The following PRKN variants were observed in gnomAD, a reference collection of about 807,000 sequenced individuals.
PRKN encodes parkin RBR E3 ubiquitin protein ligase.
Under a neutral mutation model 59.5 loss-of-function variants are expected in PRKN, and 56 were observed. The observed-to-expected ratio is 0.94, with a 90% CI of 0.76 to 1.18. The LOEUF (loss-of-function observed/expected upper bound fraction) is 1.18. Among genes scored for constraint, PRKN ranks in the 50% most tolerant of loss-of-function variants. The probability of loss-of-function intolerance (pLI) is 0.00; values close to 1 mark genes in which losing one functional copy is unlikely to be tolerated. For missense variants in PRKN, 657 were observed against 596.4 expected (o/e 1.10, Z -1.06); for synonymous variants, 250 against 222.1 (o/e 1.13, Z -1.12).
chr6:161,694,657 C>A (rs1419264451), intron 7 of PRKN, among the ~76,000 whole-genome samples: 1 of 152,172 alleles, frequency 6.6e-6, no homozygotes, highest in Non-Finnish European at 1.5e-5. Context: ...ATCTAACTGT[C>A]CAAATCCCTT....
Position 162,619,100 on chromosome 6 carries a change from C to T in PRKN, c.7+108562G>A, listed in dbSNP as rs141727453. Reference sequence around the variant, plus strand: ...CTCTTTTAGACTCTTGAAATAGTGCCTCAAGCAAAATGAACCTTAAACATA... The same window carrying T: ...CTCTTTTAGACTCTTGAAATAGTGCTTCAAGCAAAATGAACCTTAAACATA... On this transcript the variant is annotated intron_variant, in intron 1 of 11. Transcript: ENST00000366898. 1.6e-3 allele frequency among the ~76,000 whole-genome samples: 240 copies of T among 151,886 alleles called. 6 individuals are homozygous for T. The East Asian group carries it at 0.04, about 25-fold the overall frequency.
At chr6:162,597,817 C>T (rs1035016354) in intron 1 of PRKN, among the ~76,000 whole-genome samples, 2 of 152,124 alleles carry the variant, frequency 1.3e-5, no homozygotes, top group African/African-American at 4.8e-5. Context: ...TTTCAGGTTA[C>T]AAAGGAACTG....
intron 2 of PRKN, among the ~76,000 whole-genome samples, chr6:162,393,370 G>C (rs910061413): frequency 6.6e-6 from 1 of 151,836 alleles, no homozygotes; most frequent in African/African-American, 2.4e-5. Flanking sequence ...ATGCTGGCTA[G>C]GAGTTGGTCT....
In PRKN at chr6:161,423,304, A is replaced by G. The variant is rs1421822075; in HGVS notation, c.1084-36427T>C. 6.6e-6 allele frequency among the ~76,000 whole-genome samples: 1 copy of G among 152,202 alleles called. No homozygotes were observed. Among genetic ancestry groups the G allele is most frequent in the Non-Finnish European group, 1.5e-5 (1 of 68,040 alleles). On this transcript the variant is annotated intron_variant, in intron 9 of 11. Transcript: ENST00000366898. The surrounding 1 kb of genome is among the most constrained non-coding windows in gnomAD (Gnocchi z 5.9). ...TCATGCTCTCTCTGCTTTCTAATGT[A>G]CATAGAGGTGTCTACATGCAAACGG...
intron 1 of PRKN, among the ~76,000 whole-genome samples, chr6:162,718,606 G>A (rs903402257): frequency 4.6e-5 from 7 of 151,934 alleles, no homozygotes; most frequent in Non-Finnish European, 7.4e-5. Context: ...CCAGCTACTC[G>A]GGAGGCTGAG....
rs1287980112 is a variant in PRKN at position 161,461,027 on chromosome 6, G to GA, written c.1084-74151dup. Among the ~76,000 whole-genome samples the GA allele has an allele frequency of 6.6e-6, 1 of 151,984 alleles. No individual in the cohort carries two copies. The highest frequency in any genetic ancestry group is 6.6e-5 in the Admixed American group (1 of 15,248). ...CTGCCTTGGCTTCCCAAAGTACTGG[G>GA]ACTACAGGTGTGAGCCACCATGCCC... On this transcript the variant is annotated intron_variant, in intron 9 of 11. Coordinates refer to ENST00000366898, the MANE Select transcript of PRKN (RefSeq NM_004562.3). This position sits in a 1 kb window ranked among gnomAD's most constrained non-coding sequence, Gnocchi z 5.1.
intron 7 of PRKN, among the ~76,000 whole-genome samples, chr6:161,755,133 C>A (rs552730320): frequency 6.6e-6 from 1 of 152,262 alleles, no homozygotes; most frequent in African/African-American, 2.4e-5. Context: ...CATTGCATAC[C>A]CATAGCGTGT....
intron 7 of PRKN, among the ~76,000 whole-genome samples, chr6:161,737,372 A>G (rs1788007450): frequency 6.6e-6 from 1 of 152,240 alleles, no homozygotes; most frequent in African/African-American, 2.4e-5. Context: ...GGGACAGAAC[A>G]TGAATGAAGA....
At chr6:161,646,985 C>G (rs555239619) in intron 7 of PRKN, among the ~76,000 whole-genome samples, 4 of 152,140 alleles carry the variant, frequency 2.6e-5, no homozygotes, top group Non-Finnish European at 5.9e-5. Context: ...CCTATTGGCT[C>G]TGAACTACAA....
At chr6:162,353,817 G>C (rs1453458151) in intron 2 of PRKN, among the ~76,000 whole-genome samples, 6 of 152,084 alleles carry the variant, frequency 3.9e-5, no homozygotes, top group Non-Finnish European at 8.8e-5. Context: ...CTAATGTGGG[G>C]ATTGACCAAT....
intron 6 of PRKN, among the ~76,000 whole-genome samples, chr6:161,860,469 G>C (rs2186802): frequency 0.5 from 75,119 of 151,724 alleles, 18,768 homozygotes; most frequent in East Asian, 0.74. Context: ...CAATATTTGC[G>C]ATCTCGCACT....
In PRKN at chr6:161,397,084, T is replaced by C. The variant is rs1013306043; in HGVS notation, c.1084-10207A>G. Reference sequence around the variant, plus strand: ...GTGTTTTCTTCCCAAGCCCTGTTTCTTACTCATACCTCTATTAAACTGTTT... The same window carrying C: ...GTGTTTTCTTCCCAAGCCCTGTTTCCTACTCATACCTCTATTAAACTGTTT... On this transcript the variant is annotated intron_variant, in intron 9 of 11. Coordinates refer to ENST00000366898, the MANE Select transcript of PRKN (RefSeq NM_004562.3). The surrounding 1 kb of genome is among the most constrained non-coding windows in gnomAD (Gnocchi z 4.2). 6.6e-6 allele frequency among the ~76,000 whole-genome samples: 1 copy of C among 152,186 alleles called. No individual in the cohort carries two copies. Among genetic ancestry groups the C allele is most frequent in the Non-Finnish European group, 1.5e-5 (1 of 68,046 alleles).
Position 162,557,103 on chromosome 6 carries a change from C to T in PRKN, c.8-113630G>A, listed in dbSNP as rs193153942. Among the ~76,000 whole-genome samples, 780 of 152,318 alleles carry T rather than the reference C, an allele frequency of 5.1e-3. 1 individual carries two copies. Among genetic ancestry groups the T allele is most frequent in the African/African-American group, 7.9e-3 (330 of 41,580 alleles). On this transcript the variant is annotated intron_variant, in intron 1 of 11. Transcript: ENST00000366898. ...ACCCCGATGTTGCCAGCACAGAAGC[C>T]AGGACAACAGAAAGCTGAACAATTC...
chr6:161,693,403 G>T (rs1199745543), intron 7 of PRKN, among the ~76,000 whole-genome samples: 1 of 152,166 alleles, frequency 6.6e-6, no homozygotes, highest in African/African-American at 2.4e-5. Context: ...GCCAGGTGAT[G>T]GTTGACTACA....
intron 7 of PRKN, among the ~76,000 whole-genome samples, chr6:161,658,030 A>AAAAAAAAAAAAAAAAAAAAAAAAAAAG (rs781518268): frequency 1.6e-4 from 17 of 104,872 alleles, no homozygotes; most frequent in East Asian, 3.2e-4. Flanking sequence ...AAAAAAAAAA[A>AAAAAAAAAAAAAAAAAAAAAAAAAAAG]AAAAGAAAAG....
chr6:162,323,679 C>T (rs532821521), intron 2 of PRKN, among the ~76,000 whole-genome samples: 10 of 151,972 alleles, frequency 6.6e-5, no homozygotes, highest in South Asian at 4.1e-4. Flanking sequence ...ATTAGGGAAA[C>T]GCAAAATAAA....
chr6:162,224,346 A>G (rs1046294853), intron 3 of PRKN, among the ~76,000 whole-genome samples: 2 of 152,156 alleles, frequency 1.3e-5, no homozygotes, highest in South Asian at 4.1e-4. Flanking sequence ...TATTCAGTCC[A>G]TTCACGTGCT....
At chr6:162,696,565 TTTTTTTTTC>T (rs1016607768) in intron 1 of PRKN, among the ~76,000 whole-genome samples, 2 of 146,522 alleles carry the variant, frequency 1.4e-5, no homozygotes, top group Non-Finnish European at 3.0e-5. Context: ...AAAACTTTTT[TTTTTTTTTC>T]TTTTTTTTGA....
At chr6:161,907,826 C>T (rs1434144524) in intron 6 of PRKN, among the ~76,000 whole-genome samples, 2 of 152,140 alleles carry the variant, frequency 1.3e-5, no homozygotes, top group Non-Finnish European at 2.9e-5. Flanking sequence ...GCCTATCGTC[C>T]CAGCACTTTG....
Sources: allele counts gnomAD v4.1 joint callset (sites outside exome capture counted in the v4.1 genomes callset), GRCh38; gene constraint gnomAD v4.1.1; non-coding constraint Gnocchi (gnomAD v3.1); transcripts MANE v1.5; gene names NCBI Gene and HGNC (gene_info 2026-07-23, HGNC 2026-07-21).